Variants in GTF3C4 observed in about 807,000 individuals in gnomAD.
GTF3C4 encodes the protein general transcription factor IIIC subunit 4, also known as general transcription factor 3C polypeptide 4.
GTF3C4 carries 28 observed loss-of-function variants against 67.5 expected under a neutral mutation model. The ratio of observed to expected loss-of-function variants is 0.41; its 90% CI spans 0.31 to 0.57. GTF3C4 has a LOEUF of 0.57. GTF3C4 is among the 20% of genes least tolerant of loss of function. The probability of loss-of-function intolerance (pLI) is 0.21; values close to 1 mark genes in which losing one functional copy is unlikely to be tolerated. For synonymous variants in GTF3C4, 409 were observed against 393.0 expected, an observed-to-expected ratio of 1.04 and a Z score of -0.48; for missense variants, 831 against 1,033.2, an observed-to-expected ratio of 0.80 and a Z score of 2.68.
rs950654366 is a variant in GTF3C4 at position 132,682,070 on chromosome 9, C to T, written c.2185-1493C>T. ...GGGGAGCCATGTTCTCACCACTGCA[C>T]TCTAGCCGGGGCAACAGCGAGACCC... On this transcript the variant is annotated intron_variant, in intron 2 of 4. Transcript: ENST00000372146. Among the ~76,000 whole-genome samples, 5 of 151,662 alleles carry T rather than the reference C, an allele frequency of 3.3e-5. No individual in the cohort carries two copies. In the East Asian group the frequency reaches 7.8e-4, roughly 24 times the overall value.
At chr9:132,670,334 GGCTCTGGA>G, upstream of GTF3C4, 1 of 1,445,468 alleles carries the variant, frequency 6.9e-7, no homozygotes, top group Non-Finnish European at 9.1e-7. Flanking sequence ...CTCCCTAACA[GGCTCTGGA>G]GCTCAATCCC....
upstream of GTF3C4, chr9:132,670,270 T>C (rs911811647): frequency 3.3e-6 from 5 of 1,516,064 alleles, no homozygotes; most frequent in Non-Finnish European, 4.4e-6. Context: ...AGCCTCCCCT[T>C]TACCGCCCCG....
chr9:132,679,104 G>A lies in GTF3C4; in HGVS notation c.1485G>A (p.Glu495=). 1 of 1,614,166 alleles carries A rather than the reference G, an allele frequency of 6.2e-7. No individual in the cohort carries two copies. The highest frequency in any genetic ancestry group is 8.5e-7 in the Non-Finnish European group (1 of 1,180,028). The change falls in exon 2 of 5, where the codon GAG becomes GAA. Residue 495 remains glutamate, a synonymous_variant. Transcript: ENST00000372146. This position sits in a 1 kb window ranked among gnomAD's most constrained non-coding sequence, Gnocchi z 5.9. Reference sequence around the variant, plus strand: ...CATACCTGGCCATCATCACCACTGAGGGCATGATCAACGGCCTCCACCCTG... The same window carrying A: ...CATACCTGGCCATCATCACCACTGAAGGCATGATCAACGGCCTCCACCCTG... The part of the protein sequence containing the change: ...CGAYLAIITT[E]GMINGLHPVN...
chr9:132,679,332 C>T lies in GTF3C4; in HGVS notation c.1713C>T (p.Thr571=). 1 of 1,614,146 alleles carries T rather than the reference C, an allele frequency of 6.2e-7. No individual in the cohort carries two copies. The highest frequency in any genetic ancestry group is 8.5e-7 in the Non-Finnish European group (1 of 1,180,014). Residue 571 remains threonine (T), a synonymous_variant, in exon 2 of 5, where the codon ACC becomes ACT. Transcript: ENST00000372146. The surrounding 1 kb of genome is among the most constrained non-coding windows in gnomAD (Gnocchi z 5.9). Reference sequence around the variant, plus strand: ...AAAAGATTGAAAGCAGTGGAGTCACCTATTTTTGGCGTTTTAAGCTTTTCC... The same window carrying T: ...AAAAGATTGAAAGCAGTGGAGTCACTTATTTTTGGCGTTTTAAGCTTTTCC... The part of the protein sequence containing the change: ...LEKKIESSGV[T]YFWRFKLFLL...
At chr9:132,675,132 CCTAA>C (rs1360943724) in intron 1 of GTF3C4, among the ~76,000 whole-genome samples, 2 of 152,172 alleles carry the variant, frequency 1.3e-5, no homozygotes, top group Non-Finnish European at 2.9e-5. Context: ...ATTTAACCTT[CCTAA>C]CTTTCTGGGA....
chr9:132,673,641 G>A (rs1835822135), intron 1 of GTF3C4, among the ~76,000 whole-genome samples: 1 of 152,190 alleles, frequency 6.6e-6, no homozygotes, highest in Non-Finnish European at 1.5e-5. Flanking sequence ...CGTGCAGCAT[G>A]CCTTCGCGCT....
intron 4 of GTF3C4, among the ~76,000 whole-genome samples, chr9:132,687,807 C>T (rs910989701): frequency 2.6e-5 from 4 of 152,074 alleles, no homozygotes; most frequent in South Asian, 2.1e-4. Flanking sequence ...TAATGTCATC[C>T]GTTTCTGAGA....
Position 132,679,671 on chromosome 9 carries a change from C to A in GTF3C4, c.2052C>A (p.Thr684=). ...GKIEAVEMHL[T]REHMKRVLGE... ...TCGAAGCTGTGGAGATGCACTTGACCAGGGAACACATGAAGCGAGTCTTAG... is the reference window on the plus strand; with the variant it reads ...TCGAAGCTGTGGAGATGCACTTGACAAGGGAACACATGAAGCGAGTCTTAG... The change falls in exon 2 of 5, where the codon ACC becomes ACA. Residue 684 remains threonine (T), a synonymous_variant. Transcript: ENST00000372146. This position sits in a 1 kb window ranked among gnomAD's most constrained non-coding sequence, Gnocchi z 5.9. 6.2e-7 allele frequency: 1 copy of A among 1,614,138 alleles called. No homozygotes were observed. The highest frequency in any genetic ancestry group is 8.5e-7 in the Non-Finnish European group (1 of 1,180,016).
chr9:132,680,319 C>G (rs544886950), intron 2 of GTF3C4, among the ~76,000 whole-genome samples: 22 of 152,308 alleles, frequency 1.4e-4, no homozygotes, highest in Admixed American at 3.3e-4. Context: ...GGTAACAGAA[C>G]AAACTTACCT....
intron 2 of GTF3C4, among the ~76,000 whole-genome samples, chr9:132,681,967 A>G (rs915596132): frequency 1.8e-4 from 3 of 16,822 alleles, no homozygotes; most frequent in Non-Finnish European, 5.3e-4. Context: ...TACATAAAGT[A>G]AAAAAAAAAA....
Position 132,670,705 on chromosome 9 carries a change from C to T in GTF3C4, c.107C>T (p.Ala36Val). The change falls in exon 1 of 5, where the codon GCA becomes GTA. Residue 36 changes from alanine to valine, a missense_variant. By Grantham distance (64) the Ala-to-Val change is moderately conservative. Transcript: ENST00000372146. ...GGCGAGGCGGGCGGGAAGGAGCCAG[C>T]AGCGGACGCGGCCCCGGGGCCCAGC... ...GGGEAGGKEP[A>V]ADAAPGPSAA... 1.3e-6 allele frequency: 2 copies of T among 1,524,542 alleles called. No individual in the cohort carries two copies. Among genetic ancestry groups the T allele is most frequent in the Non-Finnish European group, 8.8e-7 (1 of 1,142,844 alleles). 94.4% of individuals were successfully genotyped at this position (1,524,542 alleles called of 1,614,324 possible).
Position 132,678,130 on chromosome 9 carries a change from C to A in GTF3C4, c.511C>A (p.Pro171Thr), listed in dbSNP as rs1835889408. The A allele has an allele frequency of 1.2e-6, 2 of 1,614,124 alleles. No homozygotes were observed. Residue 171 changes from proline (P) to threonine (T), a missense_variant, in exon 2 of 5, where the codon CCC (proline) becomes ACC (threonine). Coordinates refer to ENST00000372146, the MANE Select transcript of GTF3C4 (RefSeq NM_012204.4). The surrounding 1 kb of genome is among the most constrained non-coding windows in gnomAD (Gnocchi z 6.5). Reference sequence around the variant, plus strand: ...AGGATTCAAGTACACCAGCTGGTCTCCCATGGGTTGCGATGCTAATGGCAG... The same window carrying A: ...AGGATTCAAGTACACCAGCTGGTCTACCATGGGTTGCGATGCTAATGGCAG... Reference protein sequence around the residue: ...MRGFKYTSWSPMGCDANGRCL... With the variant: ...MRGFKYTSWSTMGCDANGRCL...
chr9:132,685,013 A>T (rs1229760457), intron 3 of GTF3C4, among the ~76,000 whole-genome samples: 3 of 126,046 alleles, frequency 2.4e-5, no homozygotes, highest in African/African-American at 1.0e-4. Flanking sequence ...TAAATTTTTT[A>T]ATTTTTTTTT....
In GTF3C4 at chr9:132,678,606, T is replaced by G; in HGVS notation, c.987T>G (p.Ser329Arg). 1.2e-6 allele frequency: 2 copies of G among 1,614,110 alleles called. No individual in the cohort carries two copies. Among genetic ancestry groups the G allele is most frequent in the Non-Finnish European group, 1.7e-6 (2 of 1,180,004 alleles). Residue 329 changes from serine to arginine, a missense_variant, in exon 2 of 5, where the codon AGT becomes AGG. By Grantham distance (110) the Ser-to-Arg change is moderately radical. This residue lies in a region of GTF3C4 where 390 missense variants were observed against 540.3 expected (regional missense o/e 0.72). Coordinates refer to ENST00000372146, the MANE Select transcript of GTF3C4 (RefSeq NM_012204.4). The surrounding 1 kb of genome is among the most constrained non-coding windows in gnomAD (Gnocchi z 6.5). ...ATGAGCACAATAATCGAAAAATGAG[T>G]GGCCTTATTGTGGGGAGTGCTTTTG... is the stretch of plus-strand genomic sequence containing the variant. ...WEYEHNNRKM[S>R]GLIVGSAFGP...
chr9:132,679,417 A>G lies in GTF3C4; in HGVS notation c.1798A>G (p.Thr600Ala), dbSNP rs1223832809. ...KTPSEALWKP[T>A]HEDSKILLVD... ...CCCTTCAGAAGCCTTGTGGAAACCC[A>G]CCCATGAGGACTCAAAAATCTTACT... The change falls in exon 2 of 5, where the codon ACC (threonine) becomes GCC (alanine). Residue 600 changes from threonine to alanine, a missense_variant. By Grantham distance (58) the Thr-to-Ala change is moderately conservative. Coordinates refer to ENST00000372146, the MANE Select transcript of GTF3C4 (RefSeq NM_012204.4). The surrounding 1 kb of genome is among the most constrained non-coding windows in gnomAD (Gnocchi z 5.9). 3 of 1,613,998 alleles carry G rather than the reference A, an allele frequency of 1.9e-6. No individual in the cohort carries two copies. The highest frequency in any genetic ancestry group is 1.1e-5 in the South Asian group (1 of 91,072).
chr9:132,678,154 A>G lies in GTF3C4; in HGVS notation c.535A>G (p.Arg179Gly). 6.2e-7 allele frequency: 1 copy of G among 1,614,222 alleles called. No homozygotes were observed. The highest frequency in any genetic ancestry group is 8.5e-7 in the Non-Finnish European group (1 of 1,180,010). ...TCCCATGGGTTGCGATGCTAATGGC[A>G]GGTGCCTCTTGGCAGCACTGACCAT... Reference protein sequence around the residue: ...WSPMGCDANGRCLLAALTMDN... With the variant: ...WSPMGCDANGGCLLAALTMDN... The change falls in exon 2 of 5, where the codon AGG becomes GGG. Residue 179 changes from arginine to glycine, a missense_variant. By Grantham distance (125) the Arg-to-Gly change is moderately radical. Transcript: ENST00000372146. The surrounding 1 kb of genome is among the most constrained non-coding windows in gnomAD (Gnocchi z 6.5).
Position 132,670,765 on chromosome 9 carries a change from C to T in GTF3C4, c.167C>T (p.Pro56Leu), listed in dbSNP as rs1348885489. Reference protein sequence around the residue: ...AFRLMVTRREPAVKLQYAVSG... With the variant: ...AFRLMVTRRELAVKLQYAVSG... The stretch of plus-strand genomic sequence containing the variant: ...CGCCTCATGGTGACTCGGCGGGAGC[C>T]GGCCGTGAAGCTGCAGTATGCGGTG... Residue 56 changes from proline (P) to leucine (L), a missense_variant, in exon 1 of 5, where the codon CCG becomes CTG. Pro to Leu is a moderately conservative substitution (Grantham distance 98). Around this residue, in one of 4 missense-constraint regions of GTF3C4, gnomAD observed 237 missense variants for 212.7 expected, o/e 1.11. Transcript: ENST00000372146. The T allele has an allele frequency of 4.5e-6, 7 of 1,567,046 alleles. No individual in the cohort carries two copies. Among genetic ancestry groups the T allele is most frequent in the Admixed American group, 3.6e-5 (2 of 55,154 alleles).
intron 2 of GTF3C4, 94 bp from the exon 3 acceptor site, chr9:132,683,465 TTTTC>T (rs1251998457): frequency 4.9e-5 from 54 of 1,105,902 alleles, no homozygotes; most frequent in Non-Finnish European, 6.4e-5. Context: ...TCTTTTCTTT[TTTTC>T]TTTATTTTTT....
chr9:132,694,110 G>A lies in GTF3C4; in HGVS notation c.*5165G>A, dbSNP rs1218983828. On this transcript the variant is annotated 3_prime_UTR_variant, in exon 5 of 5. Coordinates refer to ENST00000372146, the MANE Select transcript of GTF3C4 (RefSeq NM_012204.4). The stretch of plus-strand genomic sequence containing the variant: ...AGGTGGAATGTTTTATAGACTTTTG[G>A]TGTTGAAAAAAAAAAGTTTGATAAC... The A allele has an allele frequency of 6.6e-6, 1 of 151,348 alleles. No individual in the cohort carries two copies. Among genetic ancestry groups the A allele is most frequent in the African/African-American group, 2.4e-5 (1 of 41,142 alleles). 9.4% of individuals were successfully genotyped at this position (151,348 alleles called of 1,614,324 possible). A position where few individuals can be genotyped will look rare whatever the true frequency, so the allele number is the denominator to read the frequency against.
Sources: allele counts gnomAD v4.1 joint callset (sites outside exome capture counted in the v4.1 genomes callset), GRCh38; gene constraint gnomAD v4.1.1; regional missense constraint gnomAD v4.1.1; non-coding constraint Gnocchi (gnomAD v3.1); transcripts MANE v1.5; gene names NCBI Gene and HGNC (gene_info 2026-07-23, HGNC 2026-07-21).